CWC27: variants seen among roughly 807,000 people sequenced by gnomAD.
CWC27 encodes the protein CWC27 spliceosome associated cyclophilin, also known as spliceosome-associated protein CWC27 homolog.
A neutral mutation model predicts 63.6 loss-of-function variants in CWC27; 47 were observed. The ratio of observed to expected loss-of-function variants is 0.74; its 90% CI spans 0.58 to 0.94. The LOEUF is 0.94. Ranked by LOEUF, CWC27 falls within the 40% of genes least tolerant of loss-of-function variation. The pLI is 0.00. For synonymous variants in CWC27, 175 were observed against 179.8 expected, an observed-to-expected ratio of 0.97 and a Z score of 0.22; for missense variants, 495 against 554.3, an observed-to-expected ratio of 0.89 and a Z score of 1.07.
intron 10 of CWC27, among the ~76,000 whole-genome samples, chr5:64,852,536 A>G (rs969820536): frequency 2.0e-5 from 3 of 151,152 alleles, no homozygotes; most frequent in Admixed American, 6.6e-5. Flanking sequence ...CAGCGGCGTG[A>G]TCTCGGCACA....
At chr5:64,874,168 T>C (rs1475314346) in intron 10 of CWC27, among the ~76,000 whole-genome samples, 1 of 139,554 alleles carries the variant, frequency 7.2e-6, no homozygotes, top group East Asian at 2.1e-4. Context: ...TTTTTTTTTT[T>C]TTTTTTTTTT....
At chr5:64,854,449 CTTG>C (rs1403585341) in intron 10 of CWC27, among the ~76,000 whole-genome samples, 10 of 152,220 alleles carry the variant, frequency 6.6e-5, no homozygotes, top group African/African-American at 2.4e-4. Flanking sequence ...CTTACCACCA[CTTG>C]TTATTTCTGC....
intron 10 of CWC27, among the ~76,000 whole-genome samples, chr5:64,827,060 G>A (rs768194136): frequency 9.9e-5 from 15 of 152,112 alleles, no homozygotes; most frequent in Admixed American, 6.5e-4. Context: ...TTAAACAAGC[G>A]CATTGAAAGA....
intron 10 of CWC27, among the ~76,000 whole-genome samples, chr5:64,874,079 G>A (rs1346690788): frequency 6.7e-6 from 1 of 149,350 alleles, no homozygotes; most frequent in African/African-American, 2.5e-5. Flanking sequence ...ATATTTGTCT[G>A]ACCAGGTTAT....
intron 11 of CWC27, among the ~76,000 whole-genome samples, chr5:64,906,342 A>T (rs1427971420): frequency 6.6e-6 from 1 of 152,040 alleles, no homozygotes; most frequent in Non-Finnish European, 1.5e-5. Context: ...TTTTTTCCTG[A>T]CCTTTTAACG....
intron 10 of CWC27, among the ~76,000 whole-genome samples, chr5:64,829,641 CTT>C (rs564183984): frequency 1.2e-3 from 151 of 126,182 alleles, no homozygotes; most frequent in African/African-American, 2.5e-3. Context: ...CTTTTATTCA[CTT>C]TTTTTTTTTT....
At chr5:64,783,052 T>C (rs1743754644) in intron 3 of CWC27, among the ~76,000 whole-genome samples, 2 of 152,184 alleles carry the variant, frequency 1.3e-5, no homozygotes, top group South Asian at 4.1e-4. Flanking sequence ...ATTTTTCAAT[T>C]AGGTCATTTT....
chr5:64,775,837 A>T (rs1743421547), intron 2 of CWC27, among the ~76,000 whole-genome samples: 1 of 152,070 alleles, frequency 6.6e-6, no homozygotes, highest in Non-Finnish European at 1.5e-5. Context: ...GAATATCTCC[A>T]GCGGTGGCAA....
At chr5:64,858,184 G>T (rs547083558) in intron 10 of CWC27, among the ~76,000 whole-genome samples, 12 of 145,266 alleles carry the variant, frequency 8.3e-5, no homozygotes, top group Non-Finnish European at 1.8e-4. Context: ...AGCCGGCCGG[G>T]CGTGGTGGCT....
At chr5:64,875,510 G>A (rs1203505245) in intron 10 of CWC27, among the ~76,000 whole-genome samples, 2 of 152,152 alleles carry the variant, frequency 1.3e-5, no homozygotes, top group East Asian at 1.9e-4. Flanking sequence ...TTCTAAGTAT[G>A]TATGCATTTC....
At position 64,887,103 on chromosome 5, in the gene CWC27, G is replaced by A. The variant is rs533813924; in HGVS notation, c.1042+1557G>A. On this transcript the variant is annotated intron_variant, in intron 11 of 13. Transcript: ENST00000381070. Reference sequence around the variant, plus strand: ...AGCTAATAATTATTAGTACCCTCATGTCTTAAACACTATGCTGGATTAGGA... The same window carrying A: ...AGCTAATAATTATTAGTACCCTCATATCTTAAACACTATGCTGGATTAGGA... Among the ~76,000 whole-genome samples the A allele has an allele frequency of 1.7e-4, 26 of 151,912 alleles. No homozygotes were observed. In the East Asian group the frequency reaches 4.8e-3, roughly 28 times the overall value.
chr5:64,843,365 C>T (rs145383885), intron 10 of CWC27, among the ~76,000 whole-genome samples: 110 of 152,270 alleles, frequency 7.2e-4, no homozygotes, highest in African/African-American at 2.6e-3. Context: ...GCCACTTTCT[C>T]GGAAAGAGAG....
intron 10 of CWC27, among the ~76,000 whole-genome samples, chr5:64,843,265 CT>C (rs1745892211): frequency 2.0e-5 from 3 of 152,158 alleles, no homozygotes; most frequent in African/African-American, 7.2e-5. Context: ...TTTTGTGACT[CT>C]GAAAAGCCCA....
At chr5:64,985,590 T>C (rs146506210) in intron 13 of CWC27, among the ~76,000 whole-genome samples, 81 of 152,332 alleles carry the variant, frequency 5.3e-4, no homozygotes, top group African/African-American at 1.8e-3. Flanking sequence ...AGAAATATGA[T>C]TGGTTTTTGT....
At chr5:64,982,508 T>C (rs1749347022) in intron 13 of CWC27, among the ~76,000 whole-genome samples, 1 of 151,392 alleles carries the variant, frequency 6.6e-6, no homozygotes, top group African/African-American at 2.4e-5. Context: ...TTTTTTAAGA[T>C]AGCATCTCAC....
intron 10 of CWC27, among the ~76,000 whole-genome samples, chr5:64,819,431 G>T (rs528733918): frequency 6.8e-4 from 103 of 152,142 alleles, no homozygotes; most frequent in Non-Finnish European, 1.2e-3. Flanking sequence ...CTCTTGAATT[G>T]TAGCTCCCTT....
chr5:64,908,819 G>T (rs567142110), intron 11 of CWC27, among the ~76,000 whole-genome samples: 31 of 152,076 alleles, frequency 2.0e-4, no homozygotes, highest in Non-Finnish European at 3.8e-4. Context: ...CACACTGATG[G>T]GTCTTGACTC....
chr5:64,819,935 T>A (rs1365770826), intron 10 of CWC27, among the ~76,000 whole-genome samples: 1 of 152,188 alleles, frequency 6.6e-6, no homozygotes, highest in Non-Finnish European at 1.5e-5. Flanking sequence ...TCATGCAGTT[T>A]AAGGTCATTC....
intron 6 of CWC27, 73 bp downstream of exon 6, chr5:64,786,700 T>C: frequency 1.1e-6 from 1 of 883,022 alleles, no homozygotes; most frequent in African/African-American, 1.7e-5. Flanking sequence ...ATATTTCCTT[T>C]TATAGTAATT....
Sources: gnomAD v4.1 joint callset for allele counts (sites outside exome capture counted in the v4.1 genomes callset) on GRCh38, gnomAD v4.1.1 for gene constraint, MANE v1.5 for transcripts, NCBI Gene and HGNC (gene_info 2026-07-23, HGNC 2026-07-21) for gene names.